Variants in NUDT19 observed in about 807,000 individuals in gnomAD.
NUDT19 encodes nudix hydrolase 19.
NUDT19 carries 31 observed loss-of-function variants against 22.2 expected under a neutral mutation model. That is an observed-to-expected ratio of 1.40 (90% CI 1.05 to 1.89). The LOEUF (loss-of-function observed/expected upper bound fraction) is 1.89, where lower values mean the gene tolerates loss of function less well. Ranked by LOEUF, NUDT19 falls within the 40% of genes most tolerant of loss-of-function variation. The probability of loss-of-function intolerance (pLI) is 0.00; values close to 1 mark genes in which losing one functional copy is unlikely to be tolerated. For missense variants in NUDT19, 752 were observed against 514.2 expected (o/e 1.46, Z -4.47); for synonymous variants, 325 against 230.8 (o/e 1.41, Z -3.70).
intron 1 of NUDT19, among the ~76,000 whole-genome samples, chr19:32,699,423 C>G (rs890442820): frequency 2.0e-5 from 3 of 152,182 alleles, no homozygotes; most frequent in African/African-American, 7.2e-5. Context: ...GACCCCGGAG[C>G]TGAATGGCTT....
At chr19:32,693,143 C>T (rs887990757) in intron 1 of NUDT19, among the ~76,000 whole-genome samples, 15 of 152,188 alleles carry the variant, frequency 9.9e-5, no homozygotes, top group Non-Finnish European at 1.9e-4. Flanking sequence ...GGTTCTTGGT[C>T]TCGCTGACTT....
intron 2 of NUDT19, among the ~76,000 whole-genome samples, chr19:32,711,189 C>T (rs1241641601): frequency 3.9e-5 from 6 of 151,918 alleles, no homozygotes; most frequent in Admixed American, 6.6e-5. Context: ...AGAGGACAGG[C>T]GCAGTAGTTC....
At chr19:32,696,001 A>G (rs1384157614) in intron 1 of NUDT19, among the ~76,000 whole-genome samples, 1 of 152,228 alleles carries the variant, frequency 6.6e-6, no homozygotes, top group Non-Finnish European at 1.5e-5. Flanking sequence ...TCCACAAATG[A>G]ACTTCCATCG....
intron 1 of NUDT19, among the ~76,000 whole-genome samples, chr19:32,700,668 G>A (rs138304618): frequency 3.3e-5 from 5 of 152,258 alleles, no homozygotes; most frequent in East Asian, 1.9e-4. Flanking sequence ...GGCCTCAAGC[G>A]ACCGTCCAGC....
rs548204071 is a variant in NUDT19, at chr19:32,708,085, G to T, written c.715-1100G>T. 6.6e-5 allele frequency among the ~76,000 whole-genome samples: 10 copies of T among 151,110 alleles called. No homozygotes were observed. In the South Asian group the frequency reaches 2.1e-3, roughly 32 times the overall value. On this transcript the variant is annotated intron_variant, in intron 1 of 2. Coordinates refer to ENST00000397061, the MANE Select transcript of NUDT19 (RefSeq NM_001105570.2). The stretch of plus-strand genomic sequence containing the variant: ...AATTGCTTGAACCCGGGAAGTAGAG[G>T]TTGCAGTGAGCCAAGATTGCGCTAC...
intron 1 of NUDT19, among the ~76,000 whole-genome samples, chr19:32,693,291 T>C (rs2145354768): frequency 1.3e-5 from 2 of 152,306 alleles, no homozygotes; most frequent in South Asian, 2.1e-4. Context: ...ACTTCAGGAT[T>C]GAAGCCGCAG....
chr19:32,710,684 G>A (rs1483947448), intron 2 of NUDT19, among the ~76,000 whole-genome samples: 5 of 151,702 alleles, frequency 3.3e-5, no homozygotes, highest in Middle Eastern at 3.4e-3. Context: ...ACCTAAGGGC[G>A]AGAGTTCGAG....
intron 1 of NUDT19, among the ~76,000 whole-genome samples, chr19:32,701,785 C>T (rs1382662891): frequency 6.6e-6 from 1 of 151,936 alleles, no homozygotes; most frequent in Non-Finnish European, 1.5e-5. Flanking sequence ...TTAATATAGC[C>T]CCTCTGACTT....
At position 32,691,896 on chromosome 19, in the gene NUDT19, C is replaced by T. The variant is rs8108837; in HGVS notation, c.-65C>T. 0.3 allele frequency: 284,438 copies of T among 963,120 alleles called. 42,643 individuals are homozygous for T. Among genetic ancestry groups the T allele is most frequent in the East Asian group, 0.32 (8,833 of 27,672 alleles). The allele number at this position is 963,120 out of a possible 1,614,324, so 59.7% of individuals were successfully genotyped here. A position where few individuals can be genotyped will look rare whatever the true frequency, so the allele number is the denominator to read the frequency against. On this transcript the variant is annotated 5_prime_UTR_variant, in exon 1 of 3. Coordinates refer to ENST00000397061, the MANE Select transcript of NUDT19 (RefSeq NM_001105570.2). Reference sequence around the variant, plus strand: ...GCCCCCGGAGGTGCTGGGGTCCCTGCAGGGCCGGGCCACCTGCCGTGGAGC... The same window carrying T: ...GCCCCCGGAGGTGCTGGGGTCCCTGTAGGGCCGGGCCACCTGCCGTGGAGC...
intron 1 of NUDT19, among the ~76,000 whole-genome samples, chr19:32,707,557 C>T (rs1019989924): frequency 2.0e-5 from 3 of 152,134 alleles, no homozygotes; most frequent in Non-Finnish European, 4.4e-5. Context: ...TAAAGAACAA[C>T]CTTATGGCCA....
intron 1 of NUDT19, among the ~76,000 whole-genome samples, chr19:32,701,420 ACTC>A (rs2145362574): frequency 6.6e-6 from 1 of 151,448 alleles, no homozygotes; most frequent in African/African-American, 2.4e-5. Flanking sequence ...GGTCAGGCCA[ACTC>A]CTGACCTCAG....
At chr19:32,695,272 C>T (rs943738057) in intron 1 of NUDT19, among the ~76,000 whole-genome samples, 7 of 152,238 alleles carry the variant, frequency 4.6e-5, no homozygotes, top group Non-Finnish European at 8.8e-5. Flanking sequence ...CTCTGCTTCC[C>T]GGGTTCAAGC....
intron 1 of NUDT19, among the ~76,000 whole-genome samples, chr19:32,702,044 A>G (rs1246440492): frequency 2.0e-5 from 3 of 152,192 alleles, no homozygotes; most frequent in Non-Finnish European, 2.9e-5. Flanking sequence ...CCCTGACCCA[A>G]TGATGGATGA....
intron 1 of NUDT19, among the ~76,000 whole-genome samples, chr19:32,695,378 C>T (rs2145356394): frequency 6.6e-6 from 1 of 152,264 alleles, no homozygotes; most frequent in East Asian, 1.9e-4. Context: ...CGGGGTTTCA[C>T]CATGTTGGCC....
intron 1 of NUDT19, among the ~76,000 whole-genome samples, chr19:32,704,999 TG>T (rs1255615845): frequency 1.4e-5 from 2 of 145,024 alleles, no homozygotes; most frequent in East Asian, 2.0e-4. Context: ...CCCAGCTACT[TG>T]GGGGGCCAAG....
intron 1 of NUDT19, among the ~76,000 whole-genome samples, chr19:32,695,222 C>T (rs1004402901): frequency 2.6e-5 from 4 of 152,166 alleles, no homozygotes; most frequent in African/African-American, 9.7e-5. Context: ...CCCTGTCACC[C>T]AGGCTGGAGT....
chr19:32,711,244 A>C (rs1968443795), intron 2 of NUDT19, among the ~76,000 whole-genome samples: 1 of 152,128 alleles, frequency 6.6e-6, no homozygotes, highest in Non-Finnish European at 1.5e-5. Context: ...TGGGTGAATC[A>C]TTTGAGGTCA....
intron 1 of NUDT19, among the ~76,000 whole-genome samples, chr19:32,706,295 C>T: frequency 6.6e-6 from 1 of 152,134 alleles, no homozygotes. Context: ...CTCAGTCAAC[C>T]AAGGTCTGAA....
At chr19:32,693,726 G>A (rs1200466548) in intron 1 of NUDT19, among the ~76,000 whole-genome samples, 4 of 152,136 alleles carry the variant, frequency 2.6e-5, no homozygotes, top group Non-Finnish European at 4.4e-5. Context: ...CAAACCTTTA[G>A]CTAGACACAG....
Sources: allele counts gnomAD v4.1 joint callset (sites outside exome capture counted in the v4.1 genomes callset), GRCh38; gene constraint gnomAD v4.1.1; transcripts MANE v1.5; gene names NCBI Gene and HGNC (gene_info 2026-07-23, HGNC 2026-07-21).